The following BNC2 variants were observed in gnomAD, a reference collection of about 807,000 sequenced individuals.
BNC2 encodes the protein zinc finger protein basonuclin-2.
A neutral mutation model predicts 76.3 loss-of-function variants in BNC2; 20 were observed. That is an observed-to-expected ratio of 0.26 (90% CI 0.18 to 0.38). The LOEUF (loss-of-function observed/expected upper bound fraction) is 0.38. BNC2 is among the 10% of genes least tolerant of loss of function. The probability of loss-of-function intolerance (pLI) is 1.00; values close to 1 mark genes in which losing one functional copy is unlikely to be tolerated. For missense variants in BNC2, 1,382 were observed against 1,399.8 expected (o/e 0.99, Z 0.20); for synonymous variants, 582 against 514.8 (o/e 1.13, Z -1.77).
At chr9:16,572,347 G>A (rs1256571585) in intron 4 of BNC2, among the ~76,000 whole-genome samples, 3 of 152,148 alleles carry the variant, frequency 2.0e-5, no homozygotes, top group African/African-American at 7.2e-5. Flanking sequence ...AAAGAAAAAC[G>A]CACAAATGGG....
At chr9:16,854,648 T>G (rs1819208921) in intron 1 of BNC2, among the ~76,000 whole-genome samples, 1 of 151,982 alleles carries the variant, frequency 6.6e-6, no homozygotes, top group East Asian at 1.9e-4. Context: ...CCAAGAAAAT[T>G]TGAAACGAGT....
intron 3 of BNC2, among the ~76,000 whole-genome samples, chr9:16,700,338 C>A (rs1178552908): frequency 6.6e-6 from 1 of 152,116 alleles, no homozygotes; most frequent in African/African-American, 2.4e-5. Context: ...TGCTTGAGGT[C>A]TTGATAGCAA....
intron 3 of BNC2, among the ~76,000 whole-genome samples, chr9:16,624,094 C>T (rs1219852905): frequency 6.6e-6 from 1 of 152,060 alleles, no homozygotes; most frequent in Non-Finnish European, 1.5e-5. Context: ...TTTTTAAAAG[C>T]CTTATTTCTT....
chr9:16,519,948 T>G (rs1398733245), intron 5 of BNC2, among the ~76,000 whole-genome samples: 1 of 152,104 alleles, frequency 6.6e-6, no homozygotes, highest in Admixed American at 6.5e-5. Context: ...CAGGGACCAG[T>G]GCCATAGTTC....
At chr9:16,824,274 T>G (rs917070935) in intron 1 of BNC2, among the ~76,000 whole-genome samples, 2 of 152,148 alleles carry the variant, frequency 1.3e-5, no homozygotes, top group Non-Finnish European at 2.9e-5. Context: ...TAATGTTTGG[T>G]CATTTTATGA....
At chr9:16,658,485 C>T (rs892174799) in intron 3 of BNC2, among the ~76,000 whole-genome samples, 20 of 152,288 alleles carry the variant, frequency 1.3e-4, no homozygotes, top group Non-Finnish European at 2.8e-4. Context: ...CTTGTTTTCA[C>T]CGTGAATAGT....
At chr9:16,657,369 C>T (rs1317819618) in intron 3 of BNC2, among the ~76,000 whole-genome samples, 1 of 152,078 alleles carries the variant, frequency 6.6e-6, no homozygotes. Context: ...TCAGTGGCAT[C>T]AAATGTCACA....
intron 3 of BNC2, among the ~76,000 whole-genome samples, chr9:16,709,333 C>G (rs578187613): frequency 2.0e-5 from 3 of 152,174 alleles, no homozygotes; most frequent in African/African-American, 7.2e-5. Context: ...AATCAGCAAC[C>G]CACGCTGCCA....
At chr9:16,817,925 C>T (rs2135916684) in intron 1 of BNC2, among the ~76,000 whole-genome samples, 1 of 152,200 alleles carries the variant, frequency 6.6e-6, no homozygotes, top group Non-Finnish European at 1.5e-5. Context: ...TGACAATGTA[C>T]TCATCTCATT....
chr9:16,581,943 A>T (rs1002841266), intron 4 of BNC2, among the ~76,000 whole-genome samples: 22 of 152,100 alleles, frequency 1.4e-4, no homozygotes, highest in Non-Finnish European at 2.2e-4. Context: ...ACATGGCTGA[A>T]ATGTCCCCGC....
chr9:16,667,584 A>G (rs973595825), intron 3 of BNC2, among the ~76,000 whole-genome samples: 1 of 152,208 alleles, frequency 6.6e-6, no homozygotes, highest in Non-Finnish European at 1.5e-5. Context: ...CTTCTTCTTG[A>G]CATAATTAAA....
intron 1 of BNC2, among the ~76,000 whole-genome samples, chr9:16,815,337 G>C (rs1021189957): frequency 1.6e-4 from 25 of 152,210 alleles, no homozygotes; most frequent in African/African-American, 6.0e-4. Context: ...TTAGTAGCAT[G>C]ATCAAAACTG....
intron 1 of BNC2, among the ~76,000 whole-genome samples, chr9:16,826,125 T>C (rs1156352027): frequency 3.3e-5 from 5 of 152,120 alleles, no homozygotes; most frequent in Admixed American, 3.3e-4. Context: ...TGGATCTTAC[T>C]TACCACCATG....
intron 1 of BNC2, among the ~76,000 whole-genome samples, chr9:16,822,692 G>A (rs538077025): frequency 6.6e-6 from 1 of 152,102 alleles, no homozygotes; most frequent in Non-Finnish European, 1.5e-5. Context: ...ATTCACATCA[G>A]ATTTTTTTAA....
intron 5 of BNC2, among the ~76,000 whole-genome samples, chr9:16,539,565 G>C (rs979953542): frequency 3.9e-5 from 5 of 128,564 alleles, no homozygotes; most frequent in African/African-American, 1.5e-4. Context: ...GGGAGGGGGA[G>C]AGAGAGAGAG....
Position 16,419,241 on chromosome 9 carries a change from C to A in BNC2, c.3048G>T (p.Gly1016=). ...ACATAAGAGATCCTGAAACTTCAGC[C>A]CCTAGGCTGCCAGGGAGGGCAGGGG... The part of the protein sequence containing the change: ...AEAPALPGSL[G]AEVSGSLMFS... Residue 1016 remains glycine, a synonymous_variant, in exon 7 of 7, where the codon GGG becomes GGT. Transcript: ENST00000380672. 4.3e-6 allele frequency: 7 copies of A among 1,614,200 alleles called. No individual in the cohort carries two copies. In the South Asian group the frequency reaches 7.7e-5, roughly 18 times the overall value.
rs140928866 is a variant in BNC2 at position 16,701,323 on chromosome 9, G to C, written c.330+26474C>G. The stretch of plus-strand genomic sequence containing the variant: ...ATGATATATGAAGAATGCAGCAAGG[G>C]GGAAAGCAAGGGATTTGGAATCAAC... On this transcript the variant is annotated intron_variant, in intron 3 of 6. Transcript: ENST00000380672. Among the ~76,000 whole-genome samples the C allele has an allele frequency of 1.2e-3, 181 of 152,218 alleles. 1 individual carries two copies. The East Asian group carries it at 0.017, about 14-fold the overall frequency.
At chr9:16,521,924 C>T (rs1359145413) in intron 5 of BNC2, among the ~76,000 whole-genome samples, 2 of 152,168 alleles carry the variant, frequency 1.3e-5, no homozygotes, top group Non-Finnish European at 2.9e-5. Flanking sequence ...AATTAAAAAG[C>T]TCCCTTCCTC....
intron 4 of BNC2, among the ~76,000 whole-genome samples, chr9:16,555,038 A>ATTTTTTTTTTTTTTTTTTTTTG (rs1818780708): frequency 6.6e-6 from 1 of 151,292 alleles, no homozygotes; most frequent in African/African-American, 2.5e-5. Flanking sequence ...ATTATTTTTT[A>ATTTTTTTTTTTTTTTTTTTTTG]AGACGGAGTC....
Sources: gnomAD v4.1 joint callset for allele counts (sites outside exome capture counted in the v4.1 genomes callset) on GRCh38, gnomAD v4.1.1 for gene constraint, MANE v1.5 for transcripts, NCBI Gene and HGNC (gene_info 2026-07-23, HGNC 2026-07-21) for gene names.